Variants in RFT1 observed in about 807,000 individuals in gnomAD.
RFT1 encodes the protein RFT1 glycolipid translocator homolog, also known as man(5)GlcNAc(2)-PP-dolichol translocation protein RFT1.
A neutral mutation model predicts 62.2 loss-of-function variants in RFT1; 43 were observed. That is an observed-to-expected ratio of 0.69 (90% CI 0.54 to 0.89). The LOEUF (loss-of-function observed/expected upper bound fraction) is 0.89, where lower values mean the gene tolerates loss of function less well. RFT1 is among the 40% of genes least tolerant of loss of function. RFT1 has a pLI of 0.00. For missense variants in RFT1, 605 were observed against 649.9 expected (o/e 0.93, Z 0.75); for synonymous variants, 262 against 264.6 (o/e 0.99, Z 0.10).
At chr3:53,110,677 G>T (rs1016155576) in intron 7 of RFT1, among the ~76,000 whole-genome samples, 1 of 151,950 alleles carries the variant, frequency 6.6e-6, no homozygotes, top group African/African-American at 2.4e-5. Context: ...AAAATAACAA[G>T]ATAATAACAG....
Position 53,106,801 on chromosome 3 carries a change from T to C in RFT1, c.826+18A>G. 4 of 1,576,672 alleles carry C rather than the reference T, an allele frequency of 2.5e-6. No homozygotes were observed. Among genetic ancestry groups the C allele is most frequent in the East Asian group, 2.2e-5 (1 of 44,588 alleles). On this transcript the variant is annotated intron_variant, in intron 8 of 12. Coordinates refer to ENST00000296292, the MANE Select transcript of RFT1 (RefSeq NM_052859.4). ...TAGTGTTCACCTTTAATTAAAACAC[T>C]ACAGAATTTCATCTTACCCTGATCA...
Position 53,092,476 on chromosome 3 carries a change from G to A in RFT1, c.1351C>T (p.His451Tyr), listed in dbSNP as rs759915886. ...TGGGGGCTCCTTCGGTAGTAGCGGT[G>A]GATGAAGCAAAGGCTCTGCGTGATC... ...IRITQSLCFIHRYYRRSPHRP... is the reference protein window; with the variant it reads ...IRITQSLCFIYRYYRRSPHRP... Residue 451 changes from histidine to tyrosine, a missense_variant, in exon 12 of 13, where the codon CAC becomes TAC. Transcript: ENST00000296292. The A allele has an allele frequency of 6.2e-7, 1 of 1,612,434 alleles. No individual in the cohort carries two copies. Among genetic ancestry groups the A allele is most frequent in the Non-Finnish European group, 8.5e-7 (1 of 1,179,572 alleles).
chr3:53,112,990 A>G (rs570123600), intron 6 of RFT1, among the ~76,000 whole-genome samples: 2 of 151,986 alleles, frequency 1.3e-5, no homozygotes, highest in African/African-American at 2.4e-5. Flanking sequence ...GGGATCCCAG[A>G]ATATTTAGAC....
chr3:53,084,474 G>A (rs529785021), downstream of RFT1, among the ~76,000 whole-genome samples: 3 of 152,188 alleles, frequency 2.0e-5, no homozygotes, highest in Non-Finnish European at 2.9e-5. Flanking sequence ...CACATAATTG[G>A]AAAGGGTGTC....
intron 10 of RFT1, chr3:53,103,155 A>G: frequency 1.0e-6 from 1 of 985,442 alleles, no homozygotes; most frequent in Non-Finnish European, 1.2e-6. Flanking sequence ...TTTGGGCCCC[A>G]TTGTAGTGGA....
chr3:53,129,617 A>G (rs1368307347), intron 1 of RFT1, among the ~76,000 whole-genome samples: 2 of 152,178 alleles, frequency 1.3e-5, no homozygotes, highest in Non-Finnish European at 2.9e-5. Context: ...GAATCTTCAG[A>G]TACCATTTGG....
chr3:53,072,886 C>T, the RFT1 span, among the ~76,000 whole-genome samples: 1 of 152,234 alleles, frequency 6.6e-6, no homozygotes, highest in African/African-American at 2.4e-5. Flanking sequence ...GGGCTCCGCC[C>T]GCGACCTCAG....
At chr3:53,093,892 T>C (rs764531541) in intron 11 of RFT1, among the ~76,000 whole-genome samples, 1 of 152,116 alleles carries the variant, frequency 6.6e-6, no homozygotes, top group Non-Finnish European at 1.5e-5. Flanking sequence ...TATACACCTG[T>C]TGTCCCAGCG....
At chr3:53,124,707 C>T (rs1381971593) in intron 2 of RFT1, among the ~76,000 whole-genome samples, 1 of 152,180 alleles carries the variant, frequency 6.6e-6, no homozygotes, top group African/African-American at 2.4e-5. Context: ...TTCTCAGGCT[C>T]ATGCCTACAA....
At chr3:53,118,475 A>G (rs968369711) in intron 6 of RFT1, among the ~76,000 whole-genome samples, 7 of 152,202 alleles carry the variant, frequency 4.6e-5, no homozygotes, top group African/African-American at 1.7e-4. Flanking sequence ...AAATGAGAAC[A>G]TATCTGGCTT....
the RFT1 span, among the ~76,000 whole-genome samples, chr3:53,072,527 G>C: frequency 6.6e-6 from 1 of 152,182 alleles, no homozygotes; most frequent in Non-Finnish European, 1.5e-5. Context: ...TGGAGGACCT[G>C]CTCTCCTAAT....
the RFT1 span, among the ~76,000 whole-genome samples, chr3:53,068,372 C>T: frequency 2.0e-5 from 3 of 152,180 alleles, no homozygotes; most frequent in African/African-American, 7.2e-5. Flanking sequence ...CCACAGTCAC[C>T]GTTTATTGGG....
chr3:53,076,509 CTTGGT>C, the RFT1 span, among the ~76,000 whole-genome samples: 8 of 152,160 alleles, frequency 5.3e-5, no homozygotes, highest in Non-Finnish European at 1.0e-4. Context: ...TAGAATACTA[CTTGGT>C]TTAGCAGAAA....
intron 5 of RFT1, among the ~76,000 whole-genome samples, chr3:53,120,350 C>A (rs553212095): frequency 1.3e-5 from 2 of 152,202 alleles, no homozygotes; most frequent in South Asian, 4.1e-4. Flanking sequence ...GCCAAAGGAA[C>A]GGCTCTTCCA....
chr3:53,089,377 C>A lies in RFT1; in HGVS notation c.*2526G>T, dbSNP rs915283422. 1 of 152,246 alleles carries A rather than the reference C, an allele frequency of 6.6e-6. No individual in the cohort carries two copies. Among genetic ancestry groups the A allele is most frequent in the Admixed American group, 6.5e-5 (1 of 15,288 alleles). The allele number at this position is 152,246 out of a possible 1,614,324, so 9.4% of individuals were successfully genotyped here. Reference sequence around the variant, plus strand: ...ACTGTTCTTCTCACCAACGAATGCTCCTTCCTTTCATAAAGGTTGTGCCTC... The same window carrying A: ...ACTGTTCTTCTCACCAACGAATGCTACTTCCTTTCATAAAGGTTGTGCCTC... On this transcript the variant is annotated 3_prime_UTR_variant, in exon 13 of 13. Coordinates refer to ENST00000296292, the MANE Select transcript of RFT1 (RefSeq NM_052859.4).
chr3:53,123,891 G>T, intron 2 of RFT1, 51 bp from the exon 3 acceptor site: 2 of 1,432,490 alleles, frequency 1.4e-6, no homozygotes, highest in Non-Finnish European at 2.0e-6. Context: ...TTCATAGAGA[G>T]AACTTCTGGG....
chr3:53,075,753 G>GC, the RFT1 span, among the ~76,000 whole-genome samples: 1 of 152,166 alleles, frequency 6.6e-6, no homozygotes, highest in Admixed American at 6.5e-5. Context: ...CCTCTGACCA[G>GC]CAATGAAGAG....
At chr3:53,098,225 C>T (rs1164739145) in intron 11 of RFT1, among the ~76,000 whole-genome samples, 3 of 152,188 alleles carry the variant, frequency 2.0e-5, no homozygotes, top group Non-Finnish European at 2.9e-5. Context: ...AAACAGATTC[C>T]CTGGCTCAAG....
chr3:53,104,215 T>G (rs1701400477), intron 9 of RFT1, 118 bp from the exon 10 acceptor site: 6 of 992,064 alleles, frequency 6.0e-6, no homozygotes, highest in South Asian at 4.6e-5. Context: ...AACAGCGTGA[T>G]GGATATCACT....
Sources: gnomAD v4.1 joint callset for allele counts (sites outside exome capture counted in the v4.1 genomes callset) on GRCh38, gnomAD v4.1.1 for gene constraint, MANE v1.5 for transcripts, NCBI Gene and HGNC (gene_info 2026-07-23, HGNC 2026-07-21) for gene names.